YIPF7: variants seen among roughly 807,000 people sequenced by gnomAD.
YIPF7 encodes Yip1 domain family member 7.
A neutral mutation model predicts 27.2 loss-of-function variants in YIPF7; 35 were observed. The ratio of observed to expected loss-of-function variants is 1.29; its 90% CI spans 0.98 to 1.70. The LOEUF (loss-of-function observed/expected upper bound fraction) is 1.70. Ranked by LOEUF, YIPF7 falls within the 40% of genes most tolerant of loss-of-function variation. YIPF7 has a pLI of 0.00. For synonymous variants in YIPF7, 137 were observed against 110.4 expected (o/e 1.24, Z -1.51); for missense variants, 358 against 303.7 (o/e 1.18, Z -1.33).
At chr4:44,629,579 A>G (rs1425402493) in intron 3 of YIPF7, 31 bp from the exon 4 acceptor site, 1 of 1,441,974 alleles carries the variant, frequency 6.9e-7, no homozygotes, top group South Asian at 1.4e-5. Context: ...AAATAATATG[A>G]TAACATAAAT....
chr4:44,656,836 C>T (rs890323028), intron 2 of YIPF7, among the ~76,000 whole-genome samples: 2 of 151,884 alleles, frequency 1.3e-5, no homozygotes, highest in Admixed American at 6.6e-5. Flanking sequence ...TCTTATTTTA[C>T]AATAAAAAAA....
In YIPF7 at chr4:44,624,751, C is replaced by G; in HGVS notation, c.458G>C (p.Gly153Ala). 1 of 1,611,430 alleles carries G rather than the reference C, an allele frequency of 6.2e-7. No homozygotes were observed. Among genetic ancestry groups the G allele is most frequent in the African/African-American group, 1.3e-5 (1 of 74,998 alleles). Residue 153 changes from glycine (G) to alanine (A), a missense_variant, in exon 5 of 6, where the codon GGC (glycine) becomes GCC (alanine). Coordinates refer to ENST00000415895, the MANE Select transcript of YIPF7 (RefSeq NM_182592.3). ...CACAAGGCAGCCAATGGCACTCATG[C>G]CATACACATAACCAAACTGAACTTT... is the stretch of plus-strand genomic sequence containing the variant. Reference protein sequence around the residue: ...AGKVQFGYVYGMSAIGCLVIH... With the variant: ...AGKVQFGYVYAMSAIGCLVIH...
intron 4 of YIPF7, among the ~76,000 whole-genome samples, chr4:44,626,986 A>G: frequency 6.6e-6 from 1 of 150,574 alleles, no homozygotes. Flanking sequence ...GTTTCACTGT[A>G]TTAGCCAGGA....
intron 4 of YIPF7, among the ~76,000 whole-genome samples, chr4:44,625,991 C>T (rs1712620190): frequency 6.6e-6 from 1 of 152,180 alleles, no homozygotes; most frequent in Middle Eastern, 3.2e-3. Flanking sequence ...ACTTTTCCTT[C>T]TCCATGCTAT....
At chr4:44,633,760 A>T (rs1164925112) in intron 3 of YIPF7, among the ~76,000 whole-genome samples, 1 of 152,220 alleles carries the variant, frequency 6.6e-6, no homozygotes, top group Non-Finnish European at 1.5e-5. Flanking sequence ...GCAATAATTA[A>T]TATGGTTACT....
Position 44,622,251 on chromosome 4 carries a change from A to G in YIPF7, c.*163T>C. On this transcript the variant is annotated 3_prime_UTR_variant, in exon 6 of 6. Coordinates refer to ENST00000415895, the MANE Select transcript of YIPF7 (RefSeq NM_182592.3). ...CAAAAGCAAAACATCATTCAAACCA[A>G]CAGGCTATTAGAGCACCACCCTTAA... The G allele has an allele frequency of 1.2e-6, 1 of 823,608 alleles. No homozygotes were observed. Among genetic ancestry groups the G allele is most frequent in the Non-Finnish European group, 1.9e-6 (1 of 536,414 alleles). The allele number at this position is 823,608 out of a possible 1,614,324, so 51.0% of individuals were successfully genotyped here. A position where few individuals can be genotyped will look rare whatever the true frequency, so the allele number is the denominator to read the frequency against.
Position 44,629,765 on chromosome 4 carries a change from T to G in YIPF7, c.281-217A>C, listed in dbSNP as rs572524771. 7.2e-5 allele frequency among the ~76,000 whole-genome samples: 11 copies of G among 152,260 alleles called. No individual in the cohort carries two copies. The South Asian group carries it at 2.3e-3, about 32-fold the overall frequency. On this transcript the variant is annotated intron_variant, in intron 3 of 5. Coordinates refer to ENST00000415895, the MANE Select transcript of YIPF7 (RefSeq NM_182592.3). ...TTAAAAAACAAACTAAAAAATAATT[T>G]GGCTTCCAAAGAATGACTTAAAATA...
chr4:44,637,317 C>A (rs771557809), intron 2 of YIPF7, among the ~76,000 whole-genome samples: 1 of 152,156 alleles, frequency 6.6e-6, no homozygotes, highest in African/African-American at 2.4e-5. Context: ...TTTGAGAAAT[C>A]TTCATACTGT....
intron 3 of YIPF7, among the ~76,000 whole-genome samples, chr4:44,634,157 T>G (rs1315733019): frequency 1.3e-5 from 2 of 152,236 alleles, no homozygotes; most frequent in Non-Finnish European, 2.9e-5. Flanking sequence ...ATTACGGTTA[T>G]GTTATATGAT....
intron 2 of YIPF7, among the ~76,000 whole-genome samples, chr4:44,640,520 C>G (rs911492453): frequency 5.9e-5 from 9 of 152,192 alleles, no homozygotes; most frequent in Admixed American, 1.3e-4. Flanking sequence ...GTAGTCACCA[C>G]TGCACTGAGG....
upstream of YIPF7, among the ~76,000 whole-genome samples, chr4:44,654,957 C>T (rs1340741497): frequency 6.6e-6 from 1 of 151,860 alleles, no homozygotes; most frequent in Admixed American, 6.6e-5. Context: ...AAAAATACAC[C>T]TTTAATGACT....
chr4:44,636,012 C>T lies in YIPF7; in HGVS notation c.190G>A (p.Gly64Arg). Residue 64 changes from glycine (G) to arginine (R), a missense_variant, in exon 3 of 6, where the codon GGA (glycine) becomes AGA (arginine). By Grantham distance (125) the Gly-to-Arg change is moderately radical (BLOSUM62 -2). Transcript: ENST00000415895. ...SEMLMSSGYA[G>R]QFFQPASNSD... ...TTGGATGCTGGCTGAAAAAATTGTC[C>T]TGCGTAACCCGATGACATGAGCATC... 2 of 1,613,762 alleles carry T rather than the reference C, an allele frequency of 1.2e-6. No homozygotes were observed. Among genetic ancestry groups the T allele is most frequent in the South Asian group, 1.1e-5 (1 of 91,058 alleles).
intron 3 of YIPF7, among the ~76,000 whole-genome samples, chr4:44,631,596 G>GA (rs1292386955): frequency 3.3e-5 from 5 of 151,598 alleles, no homozygotes; most frequent in South Asian, 2.1e-4. Context: ...TTTTAAGCTT[G>GA]AAAAAAAATT....
At chr4:44,622,660 A>G in intron 5 of YIPF7, 84 bp from the exon 6 acceptor site, 1 of 1,492,330 alleles carries the variant, frequency 6.7e-7, no homozygotes, top group Non-Finnish European at 9.1e-7. Context: ...TATCCTTGGC[A>G]CAATATTTAT....
chr4:44,639,246 G>A (rs1713242453), intron 2 of YIPF7, among the ~76,000 whole-genome samples: 1 of 152,198 alleles, frequency 6.6e-6, no homozygotes, highest in Admixed American at 6.5e-5. Context: ...CTGGTATTTT[G>A]ATAGTGATTG....
Position 44,624,685 on chromosome 4 carries a change from G to C in YIPF7, c.524C>G (p.Ser175Trp), listed in dbSNP as rs751659018. 1.9e-6 allele frequency: 3 copies of C among 1,609,102 alleles called. No homozygotes were observed. Among genetic ancestry groups the C allele is most frequent in the Non-Finnish European group, 2.5e-6 (3 of 1,177,880 alleles). Reference sequence around the variant, plus strand: ...CAGCACGCTGGCCACACAGCCGTACGACACCCCTGAAGAGCTCATCAGGTT... The same window carrying C: ...CAGCACGCTGGCCACACAGCCGTACCACACCCCTGAAGAGCTCATCAGGTT... Reference protein sequence around the residue: ...LLNLMSSSGVSYGCVASVLGY... With the variant: ...LLNLMSSSGVWYGCVASVLGY... The change falls in exon 5 of 6, where the codon TCG becomes TGG. Residue 175 changes from serine (S) to tryptophan (W), a missense_variant. Physicochemically the swap from Ser to Trp is radical, Grantham distance 177 (BLOSUM62 -3). Coordinates refer to ENST00000415895, the MANE Select transcript of YIPF7 (RefSeq NM_182592.3).
At chr4:44,645,266 T>C (rs1363031429) in intron 2 of YIPF7, among the ~76,000 whole-genome samples, 1 of 152,190 alleles carries the variant, frequency 6.6e-6, no homozygotes, top group African/African-American at 2.4e-5. Flanking sequence ...GTCCCCTATG[T>C]CTTCTGGTAT....
chr4:44,658,093 G>A (rs774793376), intron 2 of YIPF7, among the ~76,000 whole-genome samples: 1 of 152,060 alleles, frequency 6.6e-6, no homozygotes, highest in Non-Finnish European at 1.5e-5. Flanking sequence ...AGGTGTTATA[G>A]ACTGAATGTT....
At chr4:44,636,172 T>C (rs1313391803) in intron 2 of YIPF7, 87 bp from the exon 3 acceptor site, 4 of 1,362,822 alleles carry the variant, frequency 2.9e-6, no homozygotes, top group Admixed American at 2.6e-5. Context: ...CTTACATGAA[T>C]TCATGTAGTT....
Sources: allele counts gnomAD v4.1 joint callset (sites outside exome capture counted in the v4.1 genomes callset), GRCh38; gene constraint gnomAD v4.1.1; transcripts MANE v1.5; gene names NCBI Gene and HGNC (gene_info 2026-07-23, HGNC 2026-07-21).